Variants in TGFBR2 observed in about 807,000 individuals in gnomAD.
The protein encoded by TGFBR2 is TGF-beta receptor type-2.
A neutral mutation model predicts 49.0 loss-of-function variants in TGFBR2; 18 were observed. That is an observed-to-expected ratio of 0.37 (90% confidence interval 0.25 to 0.54). The LOEUF is 0.54. TGFBR2 is among the 20% of genes least tolerant of loss of function. TGFBR2 has a pLI of 0.85. For synonymous variants in TGFBR2, 282 were observed against 275.9 expected (o/e 1.02, Z -0.22); for missense variants, 525 against 722.6 (o/e 0.73, Z 3.13).
chr3:30,627,139 C>T (rs776354972), intron 1 of TGFBR2, among the ~76,000 whole-genome samples: 3 of 152,090 alleles, frequency 2.0e-5, no homozygotes, highest in Non-Finnish European at 4.4e-5. Context: ...TTCAGTATCC[C>T]CCAATTTATC....
At chr3:30,648,192 C>T (rs542164353) in intron 2 of TGFBR2, among the ~76,000 whole-genome samples, 1 of 152,174 alleles carries the variant, frequency 6.6e-6, no homozygotes, top group South Asian at 2.1e-4. Flanking sequence ...AGGGCTTTAC[C>T]AGGTCTCAAG....
At chr3:30,654,225 G>T (rs1559460457) in intron 3 of TGFBR2, among the ~76,000 whole-genome samples, 1 of 152,296 alleles carries the variant, frequency 6.6e-6, no homozygotes, top group East Asian at 1.9e-4. Flanking sequence ...TGTAAATGAG[G>T]CTTGGTTGTC....
chr3:30,662,614 G>C (rs577856421), intron 3 of TGFBR2, among the ~76,000 whole-genome samples: 53 of 152,328 alleles, frequency 3.5e-4, no homozygotes, highest in Non-Finnish European at 5.3e-4. Flanking sequence ...TGAGCTTACT[G>C]TCCTTTTGTT....
chr3:30,632,513 A>C (rs186803370), intron 1 of TGFBR2, among the ~76,000 whole-genome samples: 1 of 152,352 alleles, frequency 6.6e-6, no homozygotes, highest in East Asian at 1.9e-4. Context: ...GTAACAAAAA[A>C]TTATTATATT....
intron 5 of TGFBR2, among the ~76,000 whole-genome samples, chr3:30,680,718 A>G (rs1206270723): frequency 1.3e-5 from 2 of 152,224 alleles, no homozygotes; most frequent in Non-Finnish European, 2.9e-5. Context: ...CAAATCTTTC[A>G]GAATTGTTTG....
intron 3 of TGFBR2, among the ~76,000 whole-genome samples, chr3:30,651,547 G>A (rs1698887005): frequency 6.6e-6 from 1 of 152,170 alleles, no homozygotes; most frequent in African/African-American, 2.4e-5. Flanking sequence ...TAGATATACT[G>A]TACATCTTTT....
At chr3:30,682,115 C>T (rs776677216) in intron 5 of TGFBR2, among the ~76,000 whole-genome samples, 1 of 152,164 alleles carries the variant, frequency 6.6e-6, no homozygotes, top group Non-Finnish European at 1.5e-5. Flanking sequence ...CTGCCTGTTC[C>T]TCCTGGAGTT....
chr3:30,607,012 CG>C, intron 1 of TGFBR2, 35 bp downstream of exon 1: 4 of 1,537,658 alleles, frequency 2.6e-6, no homozygotes, highest in Admixed American at 1.9e-5. Flanking sequence ...GGCGGGGCGC[CG>C]GGGGTCTTCC....
chr3:30,655,857 G>T (rs1698985500), intron 3 of TGFBR2, among the ~76,000 whole-genome samples: 1 of 152,212 alleles, frequency 6.6e-6, no homozygotes, highest in Non-Finnish European at 1.5e-5. Flanking sequence ...TCTACACCAA[G>T]ACACATACCT....
At chr3:30,616,864 A>C (rs960882478) in intron 1 of TGFBR2, among the ~76,000 whole-genome samples, 1 of 152,174 alleles carries the variant, frequency 6.6e-6, no homozygotes, top group East Asian at 1.9e-4. Context: ...ACTAAATAGC[A>C]TGTTTACTTC....
At position 30,606,926 on chromosome 3, in the gene TGFBR2, G is replaced by T. The variant is rs1182907194; in HGVS notation, c.43G>T (p.Val15Phe). 4 of 1,600,340 alleles carry T rather than the reference G, an allele frequency of 2.5e-6. No individual in the cohort carries two copies. Among genetic ancestry groups the T allele is most frequent in the Non-Finnish European group, 3.4e-6 (4 of 1,173,514 alleles). Residue 15 changes from valine to phenylalanine, a missense_variant, in exon 1 of 7, where the codon GTC becomes TTC. Around this residue, in one of 3 missense-constraint regions of TGFBR2, gnomAD observed 376 missense variants for 478.2 expected, o/e 0.79. Transcript: ENST00000295754. ...CAGGGGCCTGTGGCCGCTGCACATC[G>T]TCCTGTGGACGCGTATCGCCAGCAC... is the stretch of plus-strand genomic sequence containing the variant. Reference protein sequence around the residue: ...LLRGLWPLHIVLWTRIASTIP... With the variant: ...LLRGLWPLHIFLWTRIASTIP...
chr3:30,673,754 A>G (rs887443058), intron 4 of TGFBR2, among the ~76,000 whole-genome samples: 1 of 152,228 alleles, frequency 6.6e-6, no homozygotes, highest in Non-Finnish European at 1.5e-5. Context: ...GAAAGCAAAA[A>G]TAAACATTTA....
In TGFBR2 at chr3:30,672,453, T is replaced by C. The variant is rs45515293; in HGVS notation, c.1254+16T>C. On this transcript the variant is annotated intron_variant, in intron 4 of 6. Transcript: ENST00000295754. This position sits in a 1 kb window ranked among gnomAD's most constrained non-coding sequence, Gnocchi z 4.5. ...CAGTGGGCAGGTAAGTTAGAGCTAG[T>C]GCTAGATCCCCTTTACCTTGAGCCT... The C allele has an allele frequency of 1.7e-4, 268 of 1,613,856 alleles. No individual in the cohort carries two copies. The East Asian group carries it at 5.6e-3, about 34-fold the overall frequency.
intron 1 of TGFBR2, among the ~76,000 whole-genome samples, chr3:30,607,392 C>A (rs1697943119): frequency 6.6e-6 from 1 of 152,248 alleles, no homozygotes; most frequent in South Asian, 2.1e-4. Context: ...ATGCCGCGTG[C>A]CCACCCAGCT....
intron 5 of TGFBR2, among the ~76,000 whole-genome samples, chr3:30,683,276 G>A (rs1200225573): frequency 1.3e-5 from 2 of 152,154 alleles, no homozygotes; most frequent in Admixed American, 1.3e-4. Flanking sequence ...TGTGGTCTTT[G>A]GCAGGTGCTG....
At chr3:30,640,766 G>A (rs1698629228) in intron 1 of TGFBR2, among the ~76,000 whole-genome samples, 1 of 152,150 alleles carries the variant, frequency 6.6e-6, no homozygotes, top group Admixed American at 6.5e-5. Flanking sequence ...TAACTAGAGA[G>A]ACTTAGACTA....
At chr3:30,641,348 A>G (rs1338514639) in intron 1 of TGFBR2, among the ~76,000 whole-genome samples, 1 of 152,190 alleles carries the variant, frequency 6.6e-6, no homozygotes. Flanking sequence ...GGTATGCATA[A>G]AAGGACCTGA....
chr3:30,665,246 A>C (rs1434498470), intron 3 of TGFBR2, among the ~76,000 whole-genome samples: 2 of 152,216 alleles, frequency 1.3e-5, no homozygotes, highest in African/African-American at 4.8e-5. Context: ...GTCTCAAGTC[A>C]TGTTAATTAT....
intron 1 of TGFBR2, among the ~76,000 whole-genome samples, chr3:30,612,381 C>CT (rs1398046569): frequency 6.6e-6 from 1 of 151,886 alleles, no homozygotes; most frequent in African/African-American, 2.4e-5. Context: ...CGTGTGGTCT[C>CT]TATGTGTGTA....
Sources: gnomAD v4.1 joint callset for allele counts (sites outside exome capture counted in the v4.1 genomes callset) on GRCh38, gnomAD v4.1.1 for gene constraint, gnomAD v4.1.1 regional missense constraint, Gnocchi (gnomAD v3.1) non-coding constraint, MANE v1.5 for transcripts, NCBI Gene and HGNC (gene_info 2026-07-23, HGNC 2026-07-21) for gene names.